Variants in SPDYC observed in about 807,000 individuals in gnomAD.
The protein encoded by SPDYC is speedy/RINGO cell cycle regulator family member C, also known as speedy protein C.
A neutral mutation model predicts 33.9 loss-of-function variants in SPDYC; 25 were observed. The ratio of observed to expected loss-of-function variants is 0.74; its 90% CI spans 0.54 to 1.03. The LOEUF is 1.03. SPDYC is among the 50% of genes least tolerant of loss of function. SPDYC has a pLI of 0.00. For synonymous variants in SPDYC, 133 were observed against 140.2 expected (o/e 0.95, Z 0.36); for missense variants, 349 against 382.9 (o/e 0.91, Z 0.74).
chr11:65,171,242 C>T, intron 1 of SPDYC, 85 bp from the exon 2 acceptor site: 1 of 1,449,562 alleles, frequency 6.9e-7, no homozygotes, highest in Non-Finnish European at 9.2e-7. Context: ...CCCACCCCTC[C>T]ACCGTCCTGG....
intron 1 of SPDYC, among the ~76,000 whole-genome samples, chr11:65,171,099 G>C (rs1181710620): frequency 2.0e-5 from 3 of 151,930 alleles, no homozygotes; most frequent in Non-Finnish European, 4.4e-5. Context: ...TGTTACTCTG[G>C]CCTGTCCTGG....
Position 65,172,420 on chromosome 11 carries a change from G to A in SPDYC, c.345-14G>A. On this transcript the variant is annotated splice_polypyrimidine_tract_variant and intron_variant, in intron 4 of 6. Transcript: ENST00000377185. The stretch of plus-strand genomic sequence containing the variant: ...TGTGGCCTCTGCTCCCTGACCTTGT[G>A]CCTCTGTGGCTAGGTACCTTGCAAA... 1.2e-6 allele frequency: 2 copies of A among 1,609,326 alleles called. No individual in the cohort carries two copies. Among genetic ancestry groups the A allele is most frequent in the Non-Finnish European group, 1.7e-6 (2 of 1,176,140 alleles).
intron 3 of SPDYC, 88 bp from the exon 4 acceptor site, chr11:65,172,158 C>T (rs1948442873): frequency 1.3e-6 from 2 of 1,557,360 alleles, no homozygotes; most frequent in East Asian, 4.5e-5. Flanking sequence ...TTCCCTGCAG[C>T]AAAACCTCCC....
chr11:65,170,286 T>C (rs1454446926), intron 1 of SPDYC, 25 bp downstream of exon 1: 9 of 1,570,148 alleles, frequency 5.7e-6, no homozygotes, highest in Middle Eastern at 1.7e-4. Flanking sequence ...AGGAGGAGGC[T>C]GGGTTGCTTG....
rs930072479 is a variant in SPDYC at position 65,171,181 on chromosome 11, A to G, written c.27-146A>G. ...TCTTTGCTTCTTTTCTGGCCTCCCC[A>G]CTCTTGTTGCATCCCGGCTGCCTTC... On this transcript the variant is annotated intron_variant, in intron 1 of 6. Transcript: ENST00000377185. 5.6e-5 allele frequency: 47 copies of G among 834,662 alleles called. No individual in the cohort carries two copies. In the African/African-American group the frequency reaches 7.4e-4, roughly 13 times the overall value. The allele number at this position is 834,662 out of a possible 1,614,324, so 51.7% of individuals were successfully genotyped here. A position where few individuals can be genotyped will look rare whatever the true frequency, so the allele number is the denominator to read the frequency against.
chr11:65,172,666 C>T lies in SPDYC; in HGVS notation c.517-18C>T. ...CTGGGGTTCCCACCCCATTTACTGT[C>T]CACTCTGCTCCTCCCAGGTCATGGC... On this transcript the variant is annotated intron_variant, in intron 5 of 6. Coordinates refer to ENST00000377185, the Ensembl canonical transcript of SPDYC. 1 of 1,582,282 alleles carries T rather than the reference C, an allele frequency of 6.3e-7. No individual in the cohort carries two copies. The highest frequency in any genetic ancestry group is 8.6e-7 in the Non-Finnish European group (1 of 1,161,912).
intron 6 of SPDYC, 80 bp from the exon 7 acceptor site, chr11:65,173,103 G>A (rs2137290777): frequency 1.3e-6 from 2 of 1,599,480 alleles, no homozygotes; most frequent in East Asian, 4.5e-5. Context: ...AGAGGGCCAT[G>A]GGCCTGGGGT....
chr11:65,172,797 C>T lies in SPDYC; in HGVS notation c.630C>T (p.Gly210=), dbSNP rs1423141996. ...CTGTTCGCCTTCCCCGGGGCCCTGGCCTCTCGCCGCCCCACTGTTCCCCCT... is the reference window on the plus strand; with the variant it reads ...CTGTTCGCCTTCCCCGGGGCCCTGGTCTCTCGCCGCCCCACTGTTCCCCCT... The change falls in exon 6 of 7, where the codon GGC becomes GGT. Residue 210 remains glycine, a synonymous_variant. Coordinates refer to ENST00000377185, the Ensembl canonical transcript of SPDYC. 3.7e-6 allele frequency: 6 copies of T among 1,613,950 alleles called. No individual in the cohort carries two copies. The African/African-American group carries it at 4.0e-5, about 11-fold the overall frequency.
chr11:65,172,317 C>T (rs767998374), exon 4 of SPDYC: 7 of 1,614,154 alleles, frequency 4.3e-6, no homozygotes, highest in African/African-American at 4.0e-5. Flanking sequence ...CCCACAGCAG[C>T]CTGTTCTTGG....
Position 65,171,413 on chromosome 11 carries a change from TG to T in SPDYC, c.119del (p.Gly40AlafsTer62), listed in dbSNP as rs1224705180. ...CCTGTAGTTACCACCCAGGTAGAGC[TG>T]GGGGGCTGCAGCCGGCAAGGTGGGG... On this transcript the variant is annotated frameshift_variant, in exon 2 of 7. Coordinates refer to ENST00000377185, the Ensembl canonical transcript of SPDYC. LOFTEE classifies it high-confidence loss of function. 1.9e-6 allele frequency: 3 copies of T among 1,608,540 alleles called. No homozygotes were observed. The highest frequency in any genetic ancestry group is 2.3e-5 in the East Asian group (1 of 44,304).
intron 2 of SPDYC, 23 bp from the exon 3 acceptor site, chr11:65,171,920 T>C (rs760674032): frequency 2.0e-5 from 32 of 1,612,896 alleles, no homozygotes; most frequent in Non-Finnish European, 2.6e-5. Flanking sequence ...ACCTGCGTCC[T>C]GTCATGTCTT....
At chr11:65,171,178 C>T in intron 1 of SPDYC, 149 bp from the exon 2 acceptor site, 1 of 818,156 alleles carries the variant, frequency 1.2e-6, no homozygotes, top group Non-Finnish European at 1.8e-6. Context: ...TTCTGGCCTC[C>T]CCACTCTTGT....
Position 65,170,264 on chromosome 11 carries a change from A to G in SPDYC, c.26+3A>G, listed in dbSNP as rs777392593. 15 of 1,580,660 alleles carry G rather than the reference A, an allele frequency of 9.5e-6. No homozygotes were observed. The highest frequency in any genetic ancestry group is 4.8e-5 in the East Asian group (2 of 41,798). On this transcript the variant is annotated splice_donor_region_variant and intron_variant, in intron 1 of 6. Transcript: ENST00000377185. ...CTCTGGGCCATTCCTGAGCTCGGGTAAGGCTCGCTGCAGGAGGAGGCTGGG... is the reference window on the plus strand; with the variant it reads ...CTCTGGGCCATTCCTGAGCTCGGGTGAGGCTCGCTGCAGGAGGAGGCTGGG...
rs1293196292 is a variant in SPDYC, at chr11:65,170,248, A to G, written c.13A>G (p.Ile5Val). ...CGGCGTTGGTGTTATGCTCTGGGCC[A>G]TTCCTGAGCTCGGGTAAGGCTCGCT... is the stretch of plus-strand genomic sequence containing the variant. Residue 5 changes from isoleucine (I) to valine (V), a missense_variant, in exon 1 of 7, where the codon ATT becomes GTT. Ile to Val is a conservative substitution (Grantham distance 29). Coordinates refer to ENST00000377185, the Ensembl canonical transcript of SPDYC. 3.2e-6 allele frequency: 5 copies of G among 1,578,980 alleles called. No individual in the cohort carries two copies. Among genetic ancestry groups the G allele is most frequent in the Admixed American group, 3.5e-5 (2 of 56,764 alleles).
chr11:65,171,404 A>T (rs1174793478), exon 2 of SPDYC: 1 of 1,609,684 alleles, frequency 6.2e-7, no homozygotes, highest in Non-Finnish European at 8.5e-7. Flanking sequence ...GTTACCACCC[A>T]GGTAGAGCTG....
intron 2 of SPDYC, among the ~76,000 whole-genome samples, 163 bp from the exon 3 acceptor site, chr11:65,171,780 C>T (rs1948437464): frequency 6.6e-6 from 1 of 151,810 alleles, no homozygotes; most frequent in South Asian, 2.1e-4. Context: ...AGTGAGACTC[C>T]ATTTCTATTT....
Position 65,172,227 on chromosome 11 carries a change from C to G in SPDYC, c.259-19C>G, listed in dbSNP as rs377174719. On this transcript the variant is annotated intron_variant, in intron 3 of 6. Coordinates refer to ENST00000377185, the Ensembl canonical transcript of SPDYC. ...TCCTCAGAGAATAACTAACCCCCCA[C>G]CCCGATCTGTCTCTGCAGTATCTCC... The G allele has an allele frequency of 3.7e-5, 60 of 1,614,082 alleles. No homozygotes were observed. In the African/African-American group the frequency reaches 6.8e-4, roughly 18 times the overall value.
intron 3 of SPDYC, 76 bp from the exon 4 acceptor site, chr11:65,172,170 G>C (rs1948442983): frequency 6.4e-7 from 1 of 1,573,542 alleles, no homozygotes; most frequent in South Asian, 1.1e-5. Flanking sequence ...AAACCTCCCT[G>C]GGTGCAAATG....
At chr11:65,172,440 T>C in exon 5 of SPDYC, 1 of 1,602,856 alleles carries the variant, frequency 6.2e-7, no homozygotes, top group Non-Finnish European at 8.5e-7. Context: ...CTAGGTACCT[T>C]GCAAACGACA....
Sources: gnomAD v4.1 joint callset for allele counts (sites outside exome capture counted in the v4.1 genomes callset) on GRCh38, gnomAD v4.1.1 for gene constraint, MANE v1.5 for transcripts, NCBI Gene and HGNC (gene_info 2026-07-23, HGNC 2026-07-21) for gene names.